The following CD36 variants were observed in gnomAD, a reference collection of about 807,000 sequenced individuals.
The protein encoded by CD36 is CD36 molecule (CD36 blood group), also known as platelet glycoprotein 4.
In CD36, 119 loss-of-function variants were observed where a neutral mutation model predicts 55.2. The ratio of observed to expected loss-of-function variants is 2.15; its 90% CI spans 1.86 to 2.51. The LOEUF is 2.51. CD36 is among the 30% of genes most tolerant of loss of function. The pLI is 0.00. For synonymous variants in CD36, 186 were observed against 193.6 expected, an observed-to-expected ratio of 0.96 and a Z score of 0.33; for missense variants, 819 against 555.5, an observed-to-expected ratio of 1.47 and a Z score of -4.77.
chr7:80,612,558 A>C (rs1722502), intron 1 of CD36, among the ~76,000 whole-genome samples: 80,841 of 151,948 alleles, frequency 0.53, 22,381 homozygotes, highest in South Asian at 0.71. Context: ...TATCTTAAAA[A>C]GTATTTCTGA....
rs1231560989 is a variant in CD36 at position 80,676,983 on chromosome 7, C to T, written c.*600C>T. 2.0e-5 allele frequency: 3 copies of T among 152,106 alleles called. No homozygotes were observed. Among genetic ancestry groups the T allele is most frequent in the Non-Finnish European group, 4.4e-5 (3 of 68,002 alleles). The allele number at this position is 152,106 out of a possible 1,614,324, so 9.4% of individuals were successfully genotyped here. On this transcript the variant is annotated 3_prime_UTR_variant, in exon 15 of 15. Coordinates refer to ENST00000447544, the MANE Select transcript of CD36 (RefSeq NM_001001548.3). Reference sequence around the variant, plus strand: ...ATAATCGCCTCATAAAGACAGGTTTCAACCATTAAAATATGTTCTTCCTTA... The same window carrying T: ...ATAATCGCCTCATAAAGACAGGTTTTAACCATTAAAATATGTTCTTCCTTA...
intron 6 of CD36, among the ~76,000 whole-genome samples, chr7:80,663,882 T>G (rs1248069012): frequency 2.6e-5 from 4 of 152,168 alleles, no homozygotes; most frequent in African/African-American, 9.6e-5. Context: ...GATTACAAGG[T>G]TATATATCAA....
chr7:80,674,726 A>C (rs532817796), intron 14 of CD36, among the ~76,000 whole-genome samples: 10 of 152,178 alleles, frequency 6.6e-5, no homozygotes, highest in Admixed American at 3.3e-4. Context: ...CCTTTCCTAA[A>C]GGAAAACCTT....
At chr7:80,611,560 G>A (rs1792878800) in intron 1 of CD36, among the ~76,000 whole-genome samples, 1 of 152,130 alleles carries the variant, frequency 6.6e-6, no homozygotes, top group Non-Finnish European at 1.5e-5. Context: ...GAACACACCT[G>A]TAGTGAAACA....
At chr7:80,611,122 A>G (rs974113666) in intron 1 of CD36, among the ~76,000 whole-genome samples, 2 of 151,646 alleles carry the variant, frequency 1.3e-5, no homozygotes, top group Admixed American at 6.6e-5. Context: ...GCCTCAAGCA[A>G]TCCTCCCTCT....
At chr7:80,625,726 A>G (rs1285882617) in intron 1 of CD36, among the ~76,000 whole-genome samples, 1 of 152,178 alleles carries the variant, frequency 6.6e-6, no homozygotes, top group East Asian at 1.9e-4. Flanking sequence ...ACTGTATAGT[A>G]ATGCTACTAA....
rs140854469 is a variant in CD36 at position 80,620,660 on chromosome 7, G to A, written c.-184+18281G>A. Among the ~76,000 whole-genome samples, 472 of 152,204 alleles carry A rather than the reference G, an allele frequency of 3.1e-3. 3 individuals carry two copies. Among genetic ancestry groups the A allele is most frequent in the South Asian group, 0.016 (76 of 4,822 alleles). On this transcript the variant is annotated intron_variant, in intron 1 of 13. Transcript: ENST00000309881. ...TGTAGGGTGGGATCCTGTCTGGGGA[G>A]AGTCTTGAGACTAACAATCAGAAGG... is the stretch of plus-strand genomic sequence containing the variant.
intron 1 of CD36, among the ~76,000 whole-genome samples, chr7:80,642,014 A>T (rs11770358): frequency 0.49 from 73,846 of 151,586 alleles, 18,501 homozygotes; most frequent in Non-Finnish European, 0.55. Flanking sequence ...CCACTCATGA[A>T]TTCTACAAAA....
At chr7:80,641,119 C>T (rs746348510) in intron 1 of CD36, among the ~76,000 whole-genome samples, 3 of 151,948 alleles carry the variant, frequency 2.0e-5, no homozygotes, top group Admixed American at 6.6e-5. Flanking sequence ...CTTTCTTTTA[C>T]CAAATAACTC....
intron 1 of CD36, among the ~76,000 whole-genome samples, chr7:80,641,849 A>G (rs139451937): frequency 6.0e-4 from 91 of 152,190 alleles, no homozygotes; most frequent in African/African-American, 2.1e-3. Flanking sequence ...AGGCTTTGCA[A>G]AAAGCTTAGT....
intron 13 of CD36, chr7:80,673,754 T>G (rs1460015962): frequency 5.1e-6 from 3 of 583,478 alleles, no homozygotes; most frequent in Non-Finnish European, 9.1e-6. Flanking sequence ...CTGTTGACCC[T>G]TTGATAGTTC....
At chr7:80,662,723 A>G (rs965933820) in intron 5 of CD36, 1 of 436,076 alleles carries the variant, frequency 2.3e-6, no homozygotes, top group African/African-American at 2.0e-5. Context: ...AATGCATTAG[A>G]TATTTGAGAA....
At chr7:80,616,725 G>T (rs866683971) in intron 1 of CD36, among the ~76,000 whole-genome samples, 41 of 152,192 alleles carry the variant, frequency 2.7e-4, no homozygotes, top group Admixed American at 7.9e-4. Context: ...AACCAGCTTG[G>T]AATCATCCTT....
chr7:80,664,379 TAACA>T, intron 6 of CD36, 23 bp from the exon 7 acceptor site: 1 of 1,207,662 alleles, frequency 8.3e-7, no homozygotes, highest in South Asian at 1.2e-5. Flanking sequence ...CTTGTAGAAG[TAACA>T]TTTTCCCATA....
intron 4 of CD36, among the ~76,000 whole-genome samples, chr7:80,657,064 GA>G (rs937995322): frequency 1.1e-4 from 16 of 150,810 alleles, no homozygotes; most frequent in Non-Finnish European, 2.4e-4. Flanking sequence ...TCCTGCTGAG[GA>G]AAAAAAAATC....
chr7:80,637,408 G>C (rs1035655026), upstream of CD36, among the ~76,000 whole-genome samples: 3 of 151,846 alleles, frequency 2.0e-5, no homozygotes, highest in Non-Finnish European at 4.4e-5. Flanking sequence ...ATTATAAAGA[G>C]ATTGCACATG....
At chr7:80,612,448 A>G (rs1562769561) in intron 1 of CD36, among the ~76,000 whole-genome samples, 1 of 152,250 alleles carries the variant, frequency 6.6e-6, no homozygotes, top group Admixed American at 6.5e-5. Flanking sequence ...ATGAAATTTT[A>G]ATAACTCAAA....
chr7:80,674,677 TTA>T (rs1233750402), intron 14 of CD36, among the ~76,000 whole-genome samples: 4 of 152,082 alleles, frequency 2.6e-5, no homozygotes, highest in Non-Finnish European at 5.9e-5. Context: ...GCTTTAGATA[TTA>T]GTGTCCATGC....
intron 1 of CD36, among the ~76,000 whole-genome samples, chr7:80,630,533 A>G (rs1319122783): frequency 6.6e-6 from 1 of 152,080 alleles, no homozygotes; most frequent in Non-Finnish European, 1.5e-5. Flanking sequence ...TTATTATAAA[A>G]ATCAATCTTT....
Sources: allele counts gnomAD v4.1 joint callset (sites outside exome capture counted in the v4.1 genomes callset), GRCh38; gene constraint gnomAD v4.1.1; transcripts MANE v1.5; gene names NCBI Gene and HGNC (gene_info 2026-07-23, HGNC 2026-07-21).